Variants in NDUFAF6 observed in about 807,000 individuals in gnomAD.
NDUFAF6 encodes NADH dehydrogenase (ubiquinone) complex I, assembly factor 6.
In NDUFAF6, 45 loss-of-function variants were observed where a neutral mutation model predicts 40.8. That is an observed-to-expected ratio of 1.10 (90% CI 0.87 to 1.42). NDUFAF6 has a LOEUF of 1.42. NDUFAF6 is among the 40% of genes most tolerant of loss of function. The pLI is 0.00. For missense variants in NDUFAF6, 435 were observed against 418.5 expected (o/e 1.04, Z -0.34); for synonymous variants, 185 against 155.9 (o/e 1.19, Z -1.39).
At chr8:95,114,745 A>G (rs536760603) in intron 4 of NDUFAF6, among the ~76,000 whole-genome samples, 12 of 152,330 alleles carry the variant, frequency 7.9e-5, no homozygotes, top group Non-Finnish European at 1.6e-4. Flanking sequence ...TGAGATTAAA[A>G]TAGCAACATT....
chr8:95,005,383 G>T (rs951820039), intron 2 of NDUFAF6, among the ~76,000 whole-genome samples: 3 of 151,552 alleles, frequency 2.0e-5, no homozygotes, highest in Non-Finnish European at 2.9e-5. Context: ...CCCCTTCCTG[G>T]AATACCACAG....
At chr8:95,069,016 T>C (rs2132027996) in intron 9 of NDUFAF6, 1 of 152,120 alleles carries the variant, frequency 6.6e-6, no homozygotes, top group South Asian at 2.1e-4. Flanking sequence ...ATCCCTCTGA[T>C]TGCTTTCTGT....
At chr8:94,962,578 C>G (rs1563751840) in intron 1 of NDUFAF6, among the ~76,000 whole-genome samples, 1 of 151,530 alleles carries the variant, frequency 6.6e-6, no homozygotes, top group Non-Finnish European at 1.5e-5. Flanking sequence ...CAAGCATGAA[C>G]CACCACACCT....
chr8:95,067,571 C>T (rs1832732253), intron 9 of NDUFAF6: 1 of 152,118 alleles, frequency 6.6e-6, no homozygotes, highest in East Asian at 1.9e-4. Context: ...AGCTTCAGCA[C>T]TTGGCCTCTG....
chr8:95,004,497 C>T (rs1826874702), intron 2 of NDUFAF6, among the ~76,000 whole-genome samples: 1 of 151,844 alleles, frequency 6.6e-6, no homozygotes, highest in Admixed American at 6.6e-5. Flanking sequence ...ACTACAGGTG[C>T]ATGATACCAT....
intron 4 of NDUFAF6, among the ~76,000 whole-genome samples, chr8:95,045,036 A>G (rs987581641): frequency 1.4e-5 from 2 of 144,902 alleles, no homozygotes; most frequent in African/African-American, 5.0e-5. Flanking sequence ...CTCATTGAGC[A>G]TGTAGATTCA....
intron 1 of NDUFAF6, among the ~76,000 whole-genome samples, chr8:94,932,795 T>G (rs561074108): frequency 2.0e-5 from 3 of 151,446 alleles, no homozygotes; most frequent in Non-Finnish European, 4.4e-5. Flanking sequence ...GGAGCGAGAC[T>G]CCGTCTCAAA....
At chr8:95,006,644 G>T (rs137989577) in intron 2 of NDUFAF6, among the ~76,000 whole-genome samples, 1 of 152,246 alleles carries the variant, frequency 6.6e-6, no homozygotes. Context: ...ATTTTGGGAG[G>T]CTAAGGCGGG....
chr8:95,043,756 G>A (rs983634533), intron 4 of NDUFAF6, among the ~76,000 whole-genome samples: 1 of 152,222 alleles, frequency 6.6e-6, no homozygotes, highest in African/African-American at 2.4e-5. Flanking sequence ...AGAACAGGGA[G>A]ATGTTAAAAC....
intron 6 of NDUFAF6, among the ~76,000 whole-genome samples, chr8:95,048,192 T>C (rs1360743536): frequency 1.4e-4 from 21 of 152,046 alleles, no homozygotes; most frequent in Admixed American, 1.4e-3. Flanking sequence ...AGACCCTGTC[T>C]CAAAAAACAA....
intron 3 of NDUFAF6, among the ~76,000 whole-genome samples, chr8:95,037,432 G>A (rs147804292): frequency 4.1e-4 from 63 of 152,238 alleles, no homozygotes; most frequent in Non-Finnish European, 3.1e-4. Context: ...GTGCTTGAAG[G>A]TCCACAAAAT....
upstream of NDUFAF6, among the ~76,000 whole-genome samples, chr8:94,955,224 A>G (rs1822974171): frequency 1.3e-5 from 2 of 152,252 alleles, no homozygotes; most frequent in Non-Finnish European, 2.9e-5. Flanking sequence ...TTGCTATAAC[A>G]GAATACCTGA....
intron 1 of NDUFAF6, among the ~76,000 whole-genome samples, chr8:94,919,979 C>T (rs1337714456): frequency 6.6e-6 from 1 of 152,000 alleles, no homozygotes; most frequent in Non-Finnish European, 1.5e-5. Flanking sequence ...TTTTTTTTAA[C>T]ATAGAATTTC....
chr8:94,996,311 A>C (rs1046608209), intron 2 of NDUFAF6, among the ~76,000 whole-genome samples: 1 of 152,188 alleles, frequency 6.6e-6, no homozygotes, highest in Non-Finnish European at 1.5e-5. Flanking sequence ...AACCAGGTCA[A>C]GAATCACACA....
At chr8:95,082,255 T>C (rs995726380) in intron 2 of NDUFAF6, among the ~76,000 whole-genome samples, 23 of 151,980 alleles carry the variant, frequency 1.5e-4, no homozygotes, top group African/African-American at 5.3e-4. Context: ...GGCAGGAGGA[T>C]CACTTGAGCC....
intron 1 of NDUFAF6, among the ~76,000 whole-genome samples, chr8:94,911,474 C>G (rs1289798936): frequency 6.6e-6 from 1 of 152,188 alleles, no homozygotes; most frequent in Admixed American, 6.5e-5. Context: ...ATGCAGAATG[C>G]GTTGGCTCCG....
chr8:95,007,659 G>GTTTTTT (rs553474402), intron 2 of NDUFAF6, among the ~76,000 whole-genome samples: 2 of 103,778 alleles, frequency 1.9e-5, no homozygotes, highest in Non-Finnish European at 3.8e-5. Flanking sequence ...GTGAGGCTCT[G>GTTTTTT]TTTTTTTTTT....
intron 9 of NDUFAF6, among the ~76,000 whole-genome samples, chr8:95,066,219 C>T (rs112690110): frequency 0.079 from 11,948 of 151,656 alleles, 462 homozygotes; most frequent in Non-Finnish European, 0.083. Context: ...TCAAATGATC[C>T]TCCCACCTCA....
intron 2 of NDUFAF6, among the ~76,000 whole-genome samples, chr8:94,996,971 C>A (rs948906374): frequency 6.6e-6 from 1 of 152,164 alleles, no homozygotes; most frequent in African/African-American, 2.4e-5. Context: ...GTTGTTTAAG[C>A]CCCAGTACCT....
Sources: gnomAD v4.1 joint callset for allele counts (sites outside exome capture counted in the v4.1 genomes callset) on GRCh38, gnomAD v4.1.1 for gene constraint, MANE v1.5 for transcripts, NCBI Gene and HGNC (gene_info 2026-07-23, HGNC 2026-07-21) for gene names.